Variants in ZNF461 observed in about 807,000 individuals in gnomAD.
The protein encoded by ZNF461 is gonadotropin-inducible ovarian transcription factor-1.
ZNF461 carries 16 observed loss-of-function variants against 18.3 expected under a neutral mutation model. The ratio of observed to expected loss-of-function variants is 0.88; its 90% CI spans 0.59 to 1.33. ZNF461 has a LOEUF of 1.33. Ranked by LOEUF, ZNF461 falls within the 40% of genes most tolerant of loss-of-function variation. The pLI is 0.00. For synonymous variants in ZNF461, 179 were observed against 216.9 expected (o/e 0.83, Z 1.54); for missense variants, 595 against 669.9 (o/e 0.89, Z 1.23).
At position 36,639,215 on chromosome 19, in the gene ZNF461, C is replaced by A. The variant is rs778051807; in HGVS notation, c.1130G>T (p.Arg377Ile). 6.2e-7 allele frequency: 1 copy of A among 1,614,150 alleles called. No individual in the cohort carries two copies. The highest frequency in any genetic ancestry group is 8.5e-7 in the Non-Finnish European group (1 of 1,180,028). ...RHRSHLTIHQ[R>I]IHTGEKPYEC... is the part of the protein sequence containing the mutation. ...ATAGGGTTTCTCACCAGTATGAATT[C>A]TCTGATGTATAGTAAGATGTGAGCG... Residue 377 changes from arginine to isoleucine, a missense_variant, in exon 6 of 6, where the codon AGA becomes ATA. Coordinates refer to ENST00000588268, the MANE Select transcript of ZNF461 (RefSeq NM_153257.5).
chr19:36,658,056 C>G, intron 3 of ZNF461: 1 of 465,834 alleles, frequency 2.1e-6, no homozygotes, highest in Non-Finnish European at 3.8e-6. Flanking sequence ...CAATTCTGCC[C>G]CTTAAACATC....
intron 3 of ZNF461, 63 bp downstream of exon 3, chr19:36,658,236 G>C (rs2037757595): frequency 2.0e-6 from 3 of 1,519,562 alleles, no homozygotes; most frequent in Non-Finnish European, 2.7e-6. Flanking sequence ...ATTCCAAGAA[G>C]TAGATTGTGA....
At chr19:36,649,617 C>T (rs1199179292) in intron 4 of ZNF461, among the ~76,000 whole-genome samples, 1 of 151,578 alleles carries the variant, frequency 6.6e-6, no homozygotes, top group African/African-American at 2.4e-5. Context: ...AGGTGTGAGC[C>T]ACTGCGCCCG....
chr19:36,640,114 A>G (rs1001137370), intron 5 of ZNF461, 71 bp from the exon 6 acceptor site: 27 of 1,304,772 alleles, frequency 2.1e-5, no homozygotes, highest in African/African-American at 4.4e-5. Context: ...TATGGTAGCA[A>G]TGAGAGATAA....
rs2037354378 is a variant in ZNF461 at position 36,638,959 on chromosome 19, A to C, written c.1386T>G (p.Ile462Met). The change falls in exon 6 of 6, where the codon ATT (isoleucine) becomes ATG (methionine). Residue 462 changes from isoleucine to methionine, a missense_variant. By Grantham distance (10) the Ile-to-Met change is conservative. Coordinates refer to ENST00000588268, the MANE Select transcript of ZNF461 (RefSeq NM_153257.5). ...ATTCATGAGGTTTCTCACCAGTATG[A>C]ATTCTCTGATGTCTTTTGAGGTGTG... ...QCSHLKRHQRIHTGEKPHECM... is the reference protein window; with the variant it reads ...QCSHLKRHQRMHTGEKPHECM... The C allele has an allele frequency of 6.2e-7, 1 of 1,613,976 alleles. No individual in the cohort carries two copies. Among genetic ancestry groups the C allele is most frequent in the African/African-American group, 1.3e-5 (1 of 74,896 alleles).
rs2037762964 is a variant in ZNF461 at position 36,658,423 on chromosome 19, C to T, written c.12G>A (p.Glu4=). 6.2e-7 allele frequency: 1 copy of T among 1,602,462 alleles called. No individual in the cohort carries two copies. The highest frequency in any genetic ancestry group is 8.5e-7 in the Non-Finnish European group (1 of 1,175,698). Residue 4 remains glutamate (E), a splice_region_variant and synonymous_variant, in exon 3 of 6, where the codon GAG becomes GAA. Coordinates refer to ENST00000588268, the MANE Select transcript of ZNF461 (RefSeq NM_153257.5). MAH[E]LVMFRDVAID... is the part of the protein sequence containing the mutation. Reference sequence around the variant, plus strand: ...TAGCCACATCTCTGAACATCACCAACTCCTAAAATGACAAATAATAGTACT... The same window carrying T: ...TAGCCACATCTCTGAACATCACCAATTCCTAAAATGACAAATAATAGTACT...
Position 36,666,472 on chromosome 19 carries a change from A to G in ZNF461, c.-81+218T>C, listed in dbSNP as rs1229568540. Among the ~76,000 whole-genome samples, 3 of 152,108 alleles carry G rather than the reference A, an allele frequency of 2.0e-5. 1 individual carries two copies. The highest frequency in any genetic ancestry group is 6.3e-3 in the Middle Eastern group (2 of 316). On this transcript the variant is annotated intron_variant, in intron 1 of 5. Transcript: ENST00000588268. ...TTCACAATCATGGTCACAGTCACCT[A>G]CAAACCCCATTTACACAAATGATCA...
At chr19:36,664,426 T>TA (rs2037868076) in intron 2 of ZNF461, among the ~76,000 whole-genome samples, 1 of 151,880 alleles carries the variant, frequency 6.6e-6, no homozygotes, top group Non-Finnish European at 1.5e-5. Flanking sequence ...CGTATCTACT[T>TA]AGAGTACAAA....
Position 36,656,529 on chromosome 19 carries a change from TAGAAAC to T in ZNF461, c.145_150del (p.Val49_Ser50del), listed in dbSNP as rs987469053. The T allele has an allele frequency of 6.2e-7, 1 of 1,614,028 alleles. No homozygotes were observed. The highest frequency in any genetic ancestry group is 8.5e-7 in the Non-Finnish European group (1 of 1,179,934). ...TCCAATGAGGAGATTACGGCTGGCTTAGAAACAGAAAGTCCTAGTTATAAGAAAAGA... is the reference window on the plus strand; with the variant it reads ...TCCAATGAGGAGATTACGGCTGGCTTAGAAAGTCCTAGTTATAAGAAAAGA... On this transcript the variant is annotated inframe_deletion, in exon 4 of 6. Coordinates refer to ENST00000588268, the MANE Select transcript of ZNF461 (RefSeq NM_153257.5).
At chr19:36,656,358 C>T (rs773901241) in intron 4 of ZNF461, 90 bp downstream of exon 4, 18 of 1,040,430 alleles carry the variant, frequency 1.7e-5, no homozygotes, top group Non-Finnish European at 2.4e-5. Context: ...TCAGGTTTTC[C>T]CAAAGTTTGG....
At chr19:36,662,945 T>G (rs1008820495) in intron 2 of ZNF461, among the ~76,000 whole-genome samples, 2 of 152,172 alleles carry the variant, frequency 1.3e-5, no homozygotes, top group African/African-American at 4.8e-5. Flanking sequence ...TTATTAAATT[T>G]TGTCTACTTG....
chr19:36,658,260 T>A, intron 3 of ZNF461, 39 bp downstream of exon 3: 1 of 1,569,812 alleles, frequency 6.4e-7, no homozygotes, highest in South Asian at 1.2e-5. Context: ...GTTAGCGGAA[T>A]TCTGAATTGT....
At chr19:36,644,179 C>T (rs936223004) in intron 4 of ZNF461, among the ~76,000 whole-genome samples, 6 of 152,038 alleles carry the variant, frequency 3.9e-5, no homozygotes, top group Non-Finnish European at 8.8e-5. Context: ...GTGATCCGCC[C>T]ACCTCGGCCT....
At chr19:36,657,160 A>G (rs990959832) in intron 3 of ZNF461, among the ~76,000 whole-genome samples, 7 of 152,024 alleles carry the variant, frequency 4.6e-5, no homozygotes, top group Admixed American at 2.0e-4. Context: ...AGTTCTTTAA[A>G]AATAACTTCC....
intron 3 of ZNF461, among the ~76,000 whole-genome samples, chr19:36,656,814 T>C (rs961674150): frequency 4.6e-5 from 7 of 151,692 alleles, no homozygotes; most frequent in African/African-American, 1.7e-4. Context: ...CTTCTTGAGA[T>C]ATTTATTCTT....
At chr19:36,641,387 C>T (rs187834405) in intron 5 of ZNF461, among the ~76,000 whole-genome samples, 8 of 151,822 alleles carry the variant, frequency 5.3e-5, no homozygotes, top group East Asian at 3.9e-4. Context: ...GACGTGGTGG[C>T]GGATGCCTGT....
chr19:36,639,201 C>T lies in ZNF461; in HGVS notation c.1144G>A (p.Glu382Lys), dbSNP rs1380027568. The T allele has an allele frequency of 6.2e-7, 1 of 1,614,114 alleles. No homozygotes were observed. The highest frequency in any genetic ancestry group is 1.7e-5 in the Admixed American group (1 of 60,020). Residue 382 changes from glutamate to lysine, a missense_variant, in exon 6 of 6, where the codon GAG becomes AAG. By Grantham distance (56) the Glu-to-Lys change is moderately conservative (BLOSUM62 1). Transcript: ENST00000588268. ...CATTCCCGACATTCATAGGGTTTCT[C>T]ACCAGTATGAATTCTCTGATGTATA... ...LTIHQRIHTG[E>K]KPYECRECGK... is the part of the protein sequence containing the mutation.
At chr19:36,645,921 A>G (rs2145378521) in intron 4 of ZNF461, among the ~76,000 whole-genome samples, 1 of 152,294 alleles carries the variant, frequency 6.6e-6, no homozygotes, top group East Asian at 1.9e-4. Context: ...AGTAGCTGGG[A>G]CTACAGGCGT....
intron 2 of ZNF461, among the ~76,000 whole-genome samples, chr19:36,660,511 T>A (rs2037800028): frequency 6.6e-6 from 1 of 152,110 alleles, no homozygotes; most frequent in Non-Finnish European, 1.5e-5. Flanking sequence ...CCCTCTCTGT[T>A]GCAGTGATGT....
Sources: allele counts gnomAD v4.1 joint callset (sites outside exome capture counted in the v4.1 genomes callset), GRCh38; gene constraint gnomAD v4.1.1; transcripts MANE v1.5; gene names NCBI Gene and HGNC (gene_info 2026-07-23, HGNC 2026-07-21).